AKAP8L: variants seen among roughly 807,000 people sequenced by gnomAD.
AKAP8L encodes the protein A-kinase anchor protein 8-like.
AKAP8L carries 34 observed loss-of-function variants against 77.5 expected under a neutral mutation model. The ratio of observed to expected loss-of-function variants is 0.44; its 90% CI spans 0.33 to 0.58. AKAP8L has a LOEUF of 0.58. Ranked by LOEUF, AKAP8L falls within the 20% of genes least tolerant of loss-of-function variation. AKAP8L has a pLI of 0.02. For missense variants in AKAP8L, 806 were observed against 887.6 expected (o/e 0.91, Z 1.17); for synonymous variants, 342 against 340.7 (o/e 1.00, Z -0.04).
chr19:15,387,338 G>A (rs1967560188), intron 12 of AKAP8L, among the ~76,000 whole-genome samples: 1 of 152,198 alleles, frequency 6.6e-6, no homozygotes, highest in African/African-American at 2.4e-5. Context: ...AATCTCAAAG[G>A]AACTGACTGA....
At chr19:15,410,459 C>T in intron 2 of AKAP8L, 61 bp downstream of exon 2, 1 of 1,441,704 alleles carries the variant, frequency 6.9e-7, no homozygotes, top group African/African-American at 1.4e-5. Flanking sequence ...CCAAAGGCAA[C>T]TAAGAAGACA....
chr19:15,406,226 T>C (rs1442399225), intron 2 of AKAP8L, among the ~76,000 whole-genome samples: 1 of 152,044 alleles, frequency 6.6e-6, no homozygotes, highest in East Asian at 1.9e-4. Context: ...ACATCCCAGC[T>C]GGGTCCCTTC....
intron 2 of AKAP8L, 95 bp from the exon 3 acceptor site, chr19:15,404,137 A>T: frequency 7.5e-7 from 1 of 1,338,658 alleles, no homozygotes; most frequent in Non-Finnish European, 1.1e-6. Context: ...CTGACTGGTC[A>T]GAGCAGGCTG....
intron 12 of AKAP8L, among the ~76,000 whole-genome samples, chr19:15,396,093 C>T (rs1967770175): frequency 6.6e-6 from 1 of 151,876 alleles, no homozygotes. Flanking sequence ...GGTGGCATTT[C>T]CCAATCCTGA....
chr19:15,391,624 C>T (rs919083610), intron 12 of AKAP8L, among the ~76,000 whole-genome samples: 4 of 150,590 alleles, frequency 2.7e-5, no homozygotes, highest in African/African-American at 4.9e-5. Context: ...CTGCAACCTC[C>T]GCCTCCCGGG....
chr19:15,413,937 T>G (rs1345518655), intron 1 of AKAP8L, among the ~76,000 whole-genome samples: 1 of 152,166 alleles, frequency 6.6e-6, no homozygotes, highest in African/African-American at 2.4e-5. Context: ...CCAAGATCAA[T>G]GGCAATCTCT....
In AKAP8L at chr19:15,418,929, C is replaced by A. The variant is rs1182639134; in HGVS notation, c.-6G>T. The A allele has an allele frequency of 1.2e-6, 2 of 1,603,526 alleles. No individual in the cohort carries two copies. Among genetic ancestry groups the A allele is most frequent in the East Asian group, 4.5e-5 (2 of 44,714 alleles). On this transcript the variant is annotated 5_prime_UTR_variant, in exon 1 of 14. Transcript: ENST00000397410. ...GGCCCACCTGTGTAGCTCATGGTGG[C>A]GGGCAACACAACATCCGACGACGCC...
chr19:15,408,476 T>C (rs757666936), intron 2 of AKAP8L, among the ~76,000 whole-genome samples: 1 of 148,420 alleles, frequency 6.7e-6, no homozygotes, highest in Non-Finnish European at 1.5e-5. Context: ...GGCACAAGAA[T>C]AGCTTGAATC....
chr19:15,403,544 C>T lies in AKAP8L; in HGVS notation c.293G>A (p.Arg98His), dbSNP rs758338472. ...CTCCAAATGCGGCACCATATCTAAG[C>T]GCTGGTTAATTCTGGATAAAACGGA... ...ADSVLSRINQ[R>H]LDMVPHLETD... Residue 98 changes from arginine (R) to histidine (H), a missense_variant, in exon 4 of 14, where the codon CGC (arginine) becomes CAC (histidine). Coordinates refer to ENST00000397410, the MANE Select transcript of AKAP8L (RefSeq NM_014371.4). The surrounding 1 kb of genome is among the most constrained non-coding windows in gnomAD (Gnocchi z 4.3). 63 of 1,613,852 alleles carry T rather than the reference C, an allele frequency of 3.9e-5. No individual in the cohort carries two copies. In the Middle Eastern group the frequency reaches 4.9e-4, roughly 13 times the overall value.
intron 12 of AKAP8L, among the ~76,000 whole-genome samples, chr19:15,389,944 G>A (rs1967625790): frequency 6.6e-6 from 1 of 151,880 alleles, no homozygotes. Context: ...TTCTCAGCGG[G>A]GCACGGTGGC....
chr19:15,414,352 C>A (rs1366298255), intron 1 of AKAP8L, among the ~76,000 whole-genome samples: 1 of 148,324 alleles, frequency 6.7e-6, no homozygotes, highest in South Asian at 2.1e-4. Flanking sequence ...CCACCACGCC[C>A]GGCCTAAATT....
rs563718700 is a variant in AKAP8L, at chr19:15,415,318, C to T, written c.13+3593G>A. Among the ~76,000 whole-genome samples, 8 of 152,112 alleles carry T rather than the reference C, an allele frequency of 5.3e-5. No homozygotes were observed. The South Asian group carries it at 1.7e-3, about 32-fold the overall frequency. ...TGGCATGCACATGTAGTCACAGCTA[C>T]TTGGGAGGCTGAGGTGAGGTGGGAG... is the stretch of plus-strand genomic sequence containing the variant. On this transcript the variant is annotated intron_variant, in intron 1 of 13. Coordinates refer to ENST00000397410, the MANE Select transcript of AKAP8L (RefSeq NM_014371.4).
intron 1 of AKAP8L, among the ~76,000 whole-genome samples, chr19:15,414,638 G>A (rs896777114): frequency 1.3e-5 from 2 of 151,996 alleles, no homozygotes; most frequent in Non-Finnish European, 2.9e-5. Flanking sequence ...ACAGGCACCT[G>A]CCACCACGCC....
chr19:15,390,322 G>C (rs1967634385), intron 12 of AKAP8L, among the ~76,000 whole-genome samples: 1 of 151,378 alleles, frequency 6.6e-6, no homozygotes, highest in Non-Finnish European at 1.5e-5. Flanking sequence ...GGGAGGCTGA[G>C]GTGTGAGGAT....
chr19:15,391,773 C>T (rs1410860150), intron 12 of AKAP8L, among the ~76,000 whole-genome samples: 3 of 151,936 alleles, frequency 2.0e-5, no homozygotes, highest in African/African-American at 4.8e-5. Flanking sequence ...CTCCTGACCT[C>T]GTGATCTCCC....
rs538428060 is a variant in AKAP8L, at chr19:15,406,929, A to G, written c.89-2887T>C. Among the ~76,000 whole-genome samples, 4 of 152,340 alleles carry G rather than the reference A, an allele frequency of 2.6e-5. No homozygotes were observed. The East Asian group carries it at 7.7e-4, about 29-fold the overall frequency. ...TGTAAGCATATAAAAAGAATTTACT[A>G]TGCCTTATGTGGCACAAGGAAATGC... On this transcript the variant is annotated intron_variant, in intron 2 of 13. Transcript: ENST00000397410.
At chr19:15,415,674 CAGG>C (rs932300543) in intron 1 of AKAP8L, among the ~76,000 whole-genome samples, 4 of 152,032 alleles carry the variant, frequency 2.6e-5, no homozygotes, top group East Asian at 1.9e-4. Context: ...ATCACAAGGT[CAGG>C]AGATCAAGAC....
At chr19:15,407,092 G>GA (rs1968016300) in intron 2 of AKAP8L, among the ~76,000 whole-genome samples, 1 of 151,926 alleles carries the variant, frequency 6.6e-6, no homozygotes, top group African/African-American at 2.4e-5. Context: ...CCCATCTCTA[G>GA]AAAAAATACA....
At chr19:15,412,424 C>T (rs1599621506) in intron 1 of AKAP8L, among the ~76,000 whole-genome samples, 1 of 151,608 alleles carries the variant, frequency 6.6e-6, no homozygotes, top group East Asian at 2.0e-4. Flanking sequence ...GAGTTAGTGC[C>T]AAGTAAGGAA....
Sources: gnomAD v4.1 joint callset for allele counts (sites outside exome capture counted in the v4.1 genomes callset) on GRCh38, gnomAD v4.1.1 for gene constraint, Gnocchi (gnomAD v3.1) non-coding constraint, MANE v1.5 for transcripts, NCBI Gene and HGNC (gene_info 2026-07-23, HGNC 2026-07-21) for gene names.